Variants in BDNF observed in about 807,000 individuals in gnomAD.
BDNF encodes the protein brain derived neurotrophic factor.
In BDNF, 1 loss-of-function variant was observed where a neutral mutation model predicts 19.5. That is an observed-to-expected ratio of 0.05 (90% CI 0.02 to 0.24). The LOEUF is 0.24. Among genes scored for constraint, BDNF ranks in the 10% least tolerant of loss-of-function variants. The pLI, the probability that BDNF is intolerant of heterozygous loss-of-function variation, is 1.00. For synonymous variants in BDNF, 100 were observed against 121.6 expected, an observed-to-expected ratio of 0.82 and a Z score of 1.17; for missense variants, 195 against 317.6, an observed-to-expected ratio of 0.61 and a Z score of 2.93.
At chr11:27,668,635 C>A (rs1307426677) in intron 1 of BDNF, among the ~76,000 whole-genome samples, 1 of 152,164 alleles carries the variant, frequency 6.6e-6, no homozygotes, top group African/African-American at 2.4e-5. Context: ...ATAAACACTT[C>A]TATGCAAATA....
chr11:27,711,666 G>C (rs1349862251), intron 1 of BDNF, among the ~76,000 whole-genome samples: 1 of 152,060 alleles, frequency 6.6e-6, no homozygotes, highest in Non-Finnish European at 1.5e-5. Flanking sequence ...TGTTAGTTTG[G>C]GCAAGTTACT....
chr11:27,686,868 T>G (rs1039386457), intron 1 of BDNF, among the ~76,000 whole-genome samples: 4 of 152,218 alleles, frequency 2.6e-5, no homozygotes, highest in Non-Finnish European at 5.9e-5. Context: ...TTGGTGAATC[T>G]GACAATTACA....
intron 1 of BDNF, among the ~76,000 whole-genome samples, chr11:27,681,812 C>G (rs1193730407): frequency 2.6e-5 from 4 of 152,136 alleles, no homozygotes; most frequent in Admixed American, 1.3e-4. Flanking sequence ...AAGCACTGCT[C>G]TAAGCACTTC....
chr11:27,720,514 G>T, intron 1 of BDNF: 3 of 985,860 alleles, frequency 3.0e-6, no homozygotes, highest in Non-Finnish European at 3.6e-6. Flanking sequence ...ACTGGGGCTC[G>T]CTTTCCAAAC....
intron 1 of BDNF, among the ~76,000 whole-genome samples, chr11:27,705,935 GT>G (rs1860090319): frequency 6.6e-6 from 1 of 152,208 alleles, no homozygotes; most frequent in African/African-American, 2.4e-5. Context: ...GGACATAAGA[GT>G]TGTATTTTAA....
Position 27,657,776 on chromosome 11 carries a change from A to T in BDNF, c.*45T>A. On this transcript the variant is annotated 3_prime_UTR_variant, in exon 2 of 2. Transcript: ENST00000356660. This position sits in a 1 kb window ranked among gnomAD's most constrained non-coding sequence, Gnocchi z 5.0. The stretch of plus-strand genomic sequence containing the variant: ...CCCTGTTATGTATATATACAAATAG[A>T]TAATTTTTGTCTCAATATAATCTAA... 1 of 1,603,902 alleles carries T rather than the reference A, an allele frequency of 6.2e-7. No individual in the cohort carries two copies. Among genetic ancestry groups the T allele is most frequent in the South Asian group, 1.1e-5 (1 of 90,686 alleles).
intron 1 of BDNF, among the ~76,000 whole-genome samples, chr11:27,695,914 C>A (rs992244678): frequency 6.6e-6 from 1 of 151,988 alleles, no homozygotes; most frequent in Non-Finnish European, 1.5e-5. Flanking sequence ...TAAATGAAAG[C>A]TTCCACACTT....
intron 1 of BDNF, chr11:27,699,408 C>T (rs1374893989): frequency 6.2e-7 from 1 of 1,614,018 alleles, no homozygotes; most frequent in Non-Finnish European, 8.5e-7. Context: ...CTCTGCATCC[C>T]CAGAGACTAA....
chr11:27,658,492 T>C lies in BDNF; in HGVS notation c.73A>G (p.Asn25Asp). The change falls in exon 2 of 2, where the codon AAC becomes GAC. Residue 25 changes from asparagine (N) to aspartate (D), a missense_variant. This residue lies in a region of BDNF where 124 missense variants were observed against 155.0 expected (regional missense o/e 0.80). Transcript: ENST00000356660. The surrounding 1 kb of genome is among the most constrained non-coding windows in gnomAD (Gnocchi z 5.7). ...GCCAAGCCACCTTGTCCTCGGATGTTTGCTTCTTTCATGGGGGCAGCCTTC... is the reference window on the plus strand; with the variant it reads ...GCCAAGCCACCTTGTCCTCGGATGTCTGCTTCTTTCATGGGGGCAGCCTTC... ...CMKAAPMKEANIRGQGGLAYP... is the reference protein window; with the variant it reads ...CMKAAPMKEADIRGQGGLAYP... The C allele has an allele frequency of 6.2e-7, 1 of 1,614,160 alleles. No individual in the cohort carries two copies. The highest frequency in any genetic ancestry group is 8.5e-7 in the Non-Finnish European group (1 of 1,180,038).
At position 27,659,644 on chromosome 11, in the gene BDNF, TGTGTGCGCGCGCGC is replaced by T. The variant is rs935274517; in HGVS notation, c.-21-1073_-21-1060del. 8.4e-5 allele frequency: 84 copies of T among 997,858 alleles called. No homozygotes were observed. In the South Asian group the frequency reaches 1.2e-3, roughly 15 times the overall value. The allele number at this position is 997,858 out of a possible 1,614,324, so 61.8% of individuals were successfully genotyped here. On this transcript the variant is annotated intron_variant, in intron 1 of 1. Transcript: ENST00000356660. ...GATGTTCTCTCTGTGTGTGTGTGTG[TGTGTGCGCGCGCGC>T]GTGTGCGCGCGCTCTGAGTTTATCC...
intron 1 of BDNF, among the ~76,000 whole-genome samples, chr11:27,697,119 C>T (rs1859110943): frequency 6.6e-6 from 1 of 150,926 alleles, no homozygotes; most frequent in African/African-American, 2.4e-5. Flanking sequence ...CTCTCTCCCC[C>T]TCTACACACA....
intron 1 of BDNF, among the ~76,000 whole-genome samples, chr11:27,666,593 G>A (rs908778624): frequency 1.3e-5 from 2 of 152,196 alleles, no homozygotes; most frequent in Non-Finnish European, 2.9e-5. Context: ...TGACCTGATG[G>A]AGCTGAAAAC....
upstream of BDNF, chr11:27,701,036 T>C (rs1173481971): frequency 9.6e-6 from 13 of 1,357,818 alleles, no homozygotes; most frequent in East Asian, 4.6e-5. Context: ...GCACAGAGCA[T>C]GGGGGCTATT....
In BDNF at chr11:27,656,994, C is replaced by A. The variant is rs1337276990; in HGVS notation, c.*827G>T. On this transcript the variant is annotated 3_prime_UTR_variant, in exon 2 of 2. Coordinates refer to ENST00000356660, the MANE Select transcript of BDNF (RefSeq NM_001709.5). ...AATGTGTTCTGAGCAAACATAGGTC[C>A]TTCCGTCAAAAGCAGCTTACTCTGA... is the stretch of plus-strand genomic sequence containing the variant. 3 of 985,264 alleles carry A rather than the reference C, an allele frequency of 3.0e-6. No homozygotes were observed. Among genetic ancestry groups the A allele is most frequent in the Non-Finnish European group, 3.6e-6 (3 of 829,948 alleles). 61.0% of individuals were successfully genotyped at this position (985,264 alleles called of 1,614,324 possible).
chr11:27,707,880 C>CTA (rs1860173046), intron 1 of BDNF, among the ~76,000 whole-genome samples: 1 of 152,026 alleles, frequency 6.6e-6, no homozygotes, highest in Non-Finnish European at 1.5e-5. Context: ...AGGTACTATA[C>CTA]GGCTAGATAT....
intron 1 of BDNF, chr11:27,659,795 A>G (rs920005374): frequency 1.7e-6 from 1 of 585,270 alleles, no homozygotes; most frequent in African/African-American, 2.0e-5. Flanking sequence ...CCACAAAATT[A>G]ATCTCTTCCT....
intron 1 of BDNF, chr11:27,699,238 A>G: frequency 8.2e-7 from 1 of 1,217,424 alleles, no homozygotes; most frequent in Non-Finnish European, 1.2e-6. Context: ...CCAACACACA[A>G]ACACTGCATC....
upstream of BDNF, among the ~76,000 whole-genome samples, chr11:27,702,213 G>A (rs1317752094): frequency 6.6e-6 from 1 of 152,126 alleles, no homozygotes; most frequent in Non-Finnish European, 1.5e-5. Context: ...CAGCAGTACC[G>A]TACTTAACTT....
intron 1 of BDNF, chr11:27,699,743 A>C: frequency 7.6e-7 from 1 of 1,312,912 alleles, no homozygotes; most frequent in South Asian, 1.7e-5. Flanking sequence ...CGCGGGGACC[A>C]CCCACCCCCT....
Sources: allele counts gnomAD v4.1 joint callset (sites outside exome capture counted in the v4.1 genomes callset), GRCh38; gene constraint gnomAD v4.1.1; regional missense constraint gnomAD v4.1.1; non-coding constraint Gnocchi (gnomAD v3.1); transcripts MANE v1.5; gene names NCBI Gene and HGNC (gene_info 2026-07-23, HGNC 2026-07-21).